Variants in PTPRE observed in about 807,000 individuals in gnomAD.
PTPRE encodes receptor-type tyrosine-protein phosphatase epsilon.
Under a neutral mutation model 102.0 loss-of-function variants are expected in PTPRE, and 51 were observed. That is an observed-to-expected ratio of 0.50 (90% CI 0.40 to 0.63). PTPRE has a LOEUF of 0.63. Ranked by LOEUF, PTPRE falls within the 30% of genes least tolerant of loss-of-function variation. The probability of loss-of-function intolerance (pLI) is 0.00; values close to 1 mark genes in which losing one functional copy is unlikely to be tolerated. For synonymous variants in PTPRE, 345 were observed against 348.2 expected (o/e 0.99, Z 0.10); for missense variants, 752 against 915.1 (o/e 0.82, Z 2.30).
chr10:128,059,443 G>A (rs1302627518), intron 7 of PTPRE, among the ~76,000 whole-genome samples: 1 of 152,220 alleles, frequency 6.6e-6, no homozygotes, highest in African/African-American at 2.4e-5. Context: ...AGGTGAAGGT[G>A]AGACAAACAA....
intron 1 of PTPRE, chr10:127,929,394 A>G (rs752095197): frequency 1.3e-5 from 2 of 152,222 alleles, no homozygotes; most frequent in East Asian, 3.8e-4. Context: ...CAAGTAGGTA[A>G]AACTGATTTA....
chr10:127,987,390 C>CA, intron 2 of PTPRE: 1 of 1,269,050 alleles, frequency 7.9e-7, no homozygotes, highest in Non-Finnish European at 1.0e-6. Flanking sequence ...CCCAGGAAGA[C>CA]AAGAGGTAAC....
chr10:127,921,798 G>T (rs145243316), intron 1 of PTPRE, among the ~76,000 whole-genome samples: 4 of 152,324 alleles, frequency 2.6e-5, no homozygotes, highest in African/African-American at 9.6e-5. Flanking sequence ...CCAGGGTGGA[G>T]AATGCCAGGG....
intron 2 of PTPRE, among the ~76,000 whole-genome samples, chr10:128,014,688 G>GA (rs1263775054): frequency 4.6e-5 from 7 of 152,098 alleles, no homozygotes; most frequent in Admixed American, 2.0e-4. Context: ...GAGTCAGGAA[G>GA]AAAAAAAATC....
At chr10:127,986,484 T>A (rs1852100512) in intron 2 of PTPRE, among the ~76,000 whole-genome samples, 1 of 152,250 alleles carries the variant, frequency 6.6e-6, no homozygotes, top group Non-Finnish European at 1.5e-5. Flanking sequence ...TATTTCACTT[T>A]GGTTCATGGA....
intron 2 of PTPRE, among the ~76,000 whole-genome samples, chr10:128,039,477 TA>T (rs1009580303): frequency 2.0e-5 from 3 of 151,876 alleles, no homozygotes; most frequent in East Asian, 1.9e-4. Context: ...GTTTTGGAAA[TA>T]AAAAAAAGAG....
chr10:128,056,258 T>C (rs761215123), intron 7 of PTPRE, 45 bp downstream of exon 7: 12 of 1,514,606 alleles, frequency 7.9e-6, no homozygotes, highest in South Asian at 1.1e-5. Context: ...GTGTTTGCAC[T>C]AAACTCAGCT....
chr10:127,929,367 A>C (rs1197506576), intron 1 of PTPRE: 1 of 152,194 alleles, frequency 6.6e-6, no homozygotes, highest in Non-Finnish European at 1.5e-5. Flanking sequence ...AATTACTTGG[A>C]AGTGTGAGTT....
At position 128,082,940 on chromosome 10, in the gene PTPRE, G is replaced by T; in HGVS notation, c.*34G>T. ...GCCTTAAAATATTTTTTAATTTAAT[G>T]GTCAGTATATTTTGTAAAAATCATG... On this transcript the variant is annotated 3_prime_UTR_variant, in exon 21 of 21. Coordinates refer to ENST00000254667, the MANE Select transcript of PTPRE (RefSeq NM_006504.6). 1 of 1,485,310 alleles carries T rather than the reference G, an allele frequency of 6.7e-7. No homozygotes were observed. The highest frequency in any genetic ancestry group is 1.4e-5 in the South Asian group (1 of 74,066). The allele number at this position is 1,485,310 out of a possible 1,614,324, so 92.0% of individuals were successfully genotyped here.
At chr10:127,991,952 C>T (rs1180688067) in intron 2 of PTPRE, among the ~76,000 whole-genome samples, 5 of 152,208 alleles carry the variant, frequency 3.3e-5, no homozygotes, top group Admixed American at 6.5e-5. Flanking sequence ...AAGCACAGGC[C>T]GCCCTATCTT....
chr10:128,073,492 C>G (rs377130226), intron 17 of PTPRE, 21 bp downstream of exon 17: 2 of 1,602,590 alleles, frequency 1.2e-6, no homozygotes, highest in South Asian at 2.2e-5. Context: ...CCGCCCAGCC[C>G]GGTCCCTCCA....
intron 1 of PTPRE, among the ~76,000 whole-genome samples, chr10:127,913,763 C>T (rs1846025273): frequency 6.6e-6 from 1 of 152,194 alleles, no homozygotes; most frequent in Non-Finnish European, 1.5e-5. Flanking sequence ...CTCCAGCCTT[C>T]CTTTCTTCTC....
At chr10:128,040,365 G>C (rs58687626) in intron 2 of PTPRE, among the ~76,000 whole-genome samples, 1 of 152,118 alleles carries the variant, frequency 6.6e-6, no homozygotes. Flanking sequence ...TGAAAGGATC[G>C]AGGTTTCCCA....
intron 2 of PTPRE, among the ~76,000 whole-genome samples, chr10:128,010,712 C>T (rs1385634514): frequency 1.3e-5 from 2 of 152,168 alleles, no homozygotes; most frequent in African/African-American, 4.8e-5. Flanking sequence ...CTGCCTCAGC[C>T]TCCTGAGTAG....
intron 5 of PTPRE, among the ~76,000 whole-genome samples, chr10:128,048,558 A>G (rs1054438015): frequency 1.3e-5 from 2 of 152,152 alleles, no homozygotes; most frequent in African/African-American, 4.8e-5. Flanking sequence ...AATATCACCA[A>G]CAAGGACCCA....
chr10:128,018,872 TCACA>T (rs71971604), intron 2 of PTPRE, among the ~76,000 whole-genome samples: 1 of 150,970 alleles, frequency 6.6e-6, no homozygotes, highest in Non-Finnish European at 1.5e-5. Context: ...TCTCTCTCTC[TCACA>T]CACACACACA....
intron 1 of PTPRE, among the ~76,000 whole-genome samples, chr10:127,947,193 T>C (rs1268046424): frequency 1.3e-5 from 2 of 152,228 alleles, no homozygotes; most frequent in Non-Finnish European, 2.9e-5. Flanking sequence ...GTTTTTATAA[T>C]ACAGTGATCA....
rs1196912980 is a variant in PTPRE at position 127,907,638 on chromosome 10, G to A, written c.-31+329G>A. 1.3e-5 allele frequency among the ~76,000 whole-genome samples: 2 copies of A among 152,188 alleles called. No individual in the cohort carries two copies. The highest frequency in any genetic ancestry group is 4.8e-5 in the African/African-American group (2 of 41,460). On this transcript the variant is annotated intron_variant, in intron 1 of 20. Transcript: ENST00000254667. The surrounding 1 kb of genome is among the most constrained non-coding windows in gnomAD (Gnocchi z 4.8). Reference sequence around the variant, plus strand: ...CTGCGGGTGGCTACAGTGCGCGGGGGCCGGCGGCAGGGCGGCGTACGTGAA... The same window carrying A: ...CTGCGGGTGGCTACAGTGCGCGGGGACCGGCGGCAGGGCGGCGTACGTGAA...
intron 1 of PTPRE, among the ~76,000 whole-genome samples, chr10:127,952,335 G>A (rs759009048): frequency 2.5e-4 from 16 of 63,516 alleles, no homozygotes; most frequent in East Asian, 6.6e-4. Flanking sequence ...TGCCCACCCC[G>A]CCCCCCCTAG....
Sources: allele counts gnomAD v4.1 joint callset (sites outside exome capture counted in the v4.1 genomes callset), GRCh38; gene constraint gnomAD v4.1.1; non-coding constraint Gnocchi (gnomAD v3.1); transcripts MANE v1.5; gene names NCBI Gene and HGNC (gene_info 2026-07-23, HGNC 2026-07-21).